The following ANKMY1 variants were observed in gnomAD, a reference collection of about 807,000 sequenced individuals.
ANKMY1 encodes the protein ankyrin repeat and MYND domain-containing protein 1.
In ANKMY1, 98 loss-of-function variants were observed where a neutral mutation model predicts 102.0. That is an observed-to-expected ratio of 0.96 (90% confidence interval 0.82 to 1.14). ANKMY1 has a LOEUF of 1.14. ANKMY1 is among the 50% of genes most tolerant of loss of function. The pLI, the probability that ANKMY1 is intolerant of heterozygous loss-of-function variation, is 0.00. For missense variants in ANKMY1, 1,330 were observed against 1,347.6 expected (o/e 0.99, Z 0.20); for synonymous variants, 582 against 559.9 (o/e 1.04, Z -0.56).
rs771625392 is a variant in ANKMY1 at position 240,524,055 on chromosome 2, C to T, written c.1662G>A (p.Glu554=). The change falls in exon 8 of 18, where the codon GAG becomes GAA. Residue 554 remains glutamate, a synonymous_variant. Transcript: ENST00000401804. ...NTDRGSLCSA[E]TKFESNVCVC... ...CACACACGTTGGACTCAAATTTCGTCTCAGCACTGCACAGACTGCCCCGGT... is the reference window on the plus strand; with the variant it reads ...CACACACGTTGGACTCAAATTTCGTTTCAGCACTGCACAGACTGCCCCGGT... 6.2e-7 allele frequency: 1 copy of T among 1,614,064 alleles called. No homozygotes were observed. Among genetic ancestry groups the T allele is most frequent in the Non-Finnish European group, 8.5e-7 (1 of 1,180,042 alleles).
intron 4 of ANKMY1, among the ~76,000 whole-genome samples, chr2:240,544,790 G>A (rs1390606667): frequency 2.6e-5 from 4 of 152,232 alleles, no homozygotes; most frequent in Non-Finnish European, 4.4e-5. Context: ...CGAATACTGC[G>A]CTTTTCTGAC....
At chr2:240,495,197 G>A (rs775378154) in intron 15 of ANKMY1, among the ~76,000 whole-genome samples, 2 of 152,074 alleles carry the variant, frequency 1.3e-5, no homozygotes, top group Admixed American at 6.5e-5. Flanking sequence ...GTGGTCTAGC[G>A]GTAGTGTCAG....
At chr2:240,556,938 C>T (rs948013071) in intron 2 of ANKMY1, among the ~76,000 whole-genome samples, 18 of 152,288 alleles carry the variant, frequency 1.2e-4, no homozygotes, top group South Asian at 4.2e-4. Flanking sequence ...CGTTCCCTCC[C>T]TCCACTAGGC....
At position 240,557,959 on chromosome 2, in the gene ANKMY1, G is replaced by A. The variant is rs1253968995; in HGVS notation, c.-96C>T. The A allele has an allele frequency of 1.0e-6, 1 of 985,676 alleles. No homozygotes were observed. The highest frequency in any genetic ancestry group is 1.2e-6 in the Non-Finnish European group (1 of 830,120). The allele number at this position is 985,676 out of a possible 1,614,324, so 61.1% of individuals were successfully genotyped here. A position where few individuals can be genotyped will look rare whatever the true frequency, so the allele number is the denominator to read the frequency against. The stretch of plus-strand genomic sequence containing the variant: ...AGCCACCGCGGACGCCCGCGCTCCC[G>A]TCCCGACTGCTTGCCAGCCCTGCGC... On this transcript the variant is annotated 5_prime_UTR_variant, in exon 1 of 18. The change creates a new upstream start codon in the 5' untranslated region. Coordinates refer to ENST00000401804, the MANE Select transcript of ANKMY1 (RefSeq NM_001282771.3).
chr2:240,529,857 C>T lies in ANKMY1; in HGVS notation c.481-348G>A, dbSNP rs1575194301. ...CAATTAGGGAACCCAGCCCAAACAC[C>T]CCAACAGGCTGGGGCAGCAGTGGGT... On this transcript the variant is annotated intron_variant, in intron 4 of 17. Transcript: ENST00000401804. The surrounding 1 kb of genome is among the most constrained non-coding windows in gnomAD (Gnocchi z 4.2). 1.3e-5 allele frequency among the ~76,000 whole-genome samples: 2 copies of T among 152,018 alleles called. No homozygotes were observed. The highest frequency in any genetic ancestry group is 1.9e-4 in the East Asian group (1 of 5,162).
At chr2:240,498,249 G>A (rs2077530438) in intron 15 of ANKMY1, among the ~76,000 whole-genome samples, 1 of 145,750 alleles carries the variant, frequency 6.9e-6, no homozygotes, top group Non-Finnish European at 1.5e-5. Context: ...GTGGCAGTGG[G>A]TGAGTTGGTG....
chr2:240,541,058 T>C (rs1251704094), intron 4 of ANKMY1, among the ~76,000 whole-genome samples: 1 of 152,182 alleles, frequency 6.6e-6, no homozygotes, highest in Non-Finnish European at 1.5e-5. Flanking sequence ...GGAAATTCCA[T>C]TTGCAGGTTC....
intron 15 of ANKMY1, among the ~76,000 whole-genome samples, chr2:240,484,545 A>C (rs539050643): frequency 6.6e-6 from 1 of 152,328 alleles, no homozygotes; most frequent in Non-Finnish European, 1.5e-5. Flanking sequence ...CTTATACAAA[A>C]ATTAACTCAA....
intron 15 of ANKMY1, among the ~76,000 whole-genome samples, chr2:240,493,907 G>C (rs1461997646): frequency 6.6e-6 from 1 of 152,192 alleles, no homozygotes; most frequent in East Asian, 1.9e-4. Context: ...AGCTGAGCTG[G>C]CACAGCATGG....
chr2:240,490,196 A>G (rs1014218948), intron 15 of ANKMY1, among the ~76,000 whole-genome samples: 2 of 152,134 alleles, frequency 1.3e-5, no homozygotes, highest in Admixed American at 1.3e-4. Context: ...CTACCAGTTT[A>G]TCAATCTTGT....
At chr2:240,557,834 G>A (rs2092563621) in intron 1 of ANKMY1, 47 bp downstream of exon 1, 8 of 978,262 alleles carry the variant, frequency 8.2e-6, no homozygotes, top group African/African-American at 5.3e-5. Context: ...CGGAGCTCCG[G>A]GATCCCCCTA....
intron 4 of ANKMY1, among the ~76,000 whole-genome samples, chr2:240,546,411 A>C (rs980308058): frequency 6.6e-6 from 1 of 152,252 alleles, no homozygotes; most frequent in African/African-American, 2.4e-5. Flanking sequence ...AAATCATGCC[A>C]AAATGTAAAG....
chr2:240,528,302 C>T (rs376228256), intron 5 of ANKMY1, among the ~76,000 whole-genome samples: 4 of 140,062 alleles, frequency 2.9e-5, no homozygotes, highest in African/African-American at 7.7e-5. Flanking sequence ...CACCCCCCCC[C>T]CAAAAAAATT....
At position 240,499,866 on chromosome 2, in the gene ANKMY1, CCAGGG is replaced by C; in HGVS notation, c.2806+87_2806+91del. On this transcript the variant is annotated intron_variant, in intron 15 of 17. Transcript: ENST00000401804. The surrounding 1 kb of genome is among the most constrained non-coding windows in gnomAD (Gnocchi z 4.2). ...CCCCAGGAAGGCCCCTCCAAGAGCCCCAGGGGGTCCAGATCTCCAGGGATAACAGC... is the reference window on the plus strand; with the variant it reads ...CCCCAGGAAGGCCCCTCCAAGAGCCCGGTCCAGATCTCCAGGGATAACAGC... 6.9e-7 allele frequency: 1 copy of C among 1,453,786 alleles called. No homozygotes were observed. The highest frequency in any genetic ancestry group is 1.4e-5 in the South Asian group (1 of 70,546). 90.1% of individuals were successfully genotyped at this position (1,453,786 alleles called of 1,614,324 possible). A position where few individuals can be genotyped will look rare whatever the true frequency, so the allele number is the denominator to read the frequency against.
In ANKMY1 at chr2:240,526,435, C is replaced by T. The variant is rs775947273; in HGVS notation, c.964G>A (p.Ala322Thr). 3.3e-5 allele frequency: 53 copies of T among 1,613,992 alleles called. No homozygotes were observed. The East Asian group carries it at 1.1e-3, about 33-fold the overall frequency. ...KQTYKFRNKP[A>T]HTSWNMGAIL... ...GCGCCCATGTTCCAGCTGGTGTGAG[C>T]TGGCTTGTTCCTGGCAACACAACAA... The change falls in exon 6 of 18, where the codon GCT becomes ACT. Residue 322 changes from alanine (A) to threonine (T), a missense_variant. Ala to Thr is a moderately conservative substitution (Grantham distance 58, BLOSUM62 0). Coordinates refer to ENST00000401804, the MANE Select transcript of ANKMY1 (RefSeq NM_001282771.3).
downstream of ANKMY1, among the ~76,000 whole-genome samples, chr2:240,475,429 C>A (rs564223757): frequency 1.3e-5 from 2 of 151,618 alleles, no homozygotes; most frequent in South Asian, 4.2e-4. Context: ...TAACAAAATA[C>A]TTAGCAATAA....
At chr2:240,530,358 G>A (rs2085036161) in intron 4 of ANKMY1, among the ~76,000 whole-genome samples, 1 of 152,156 alleles carries the variant, frequency 6.6e-6, no homozygotes, top group Admixed American at 6.5e-5. Flanking sequence ...CTGGGTCACA[G>A]GGGTGTGTCC....
At position 240,499,468 on chromosome 2, in the gene ANKMY1, G is replaced by A. The variant is rs1055118020; in HGVS notation, c.2806+490C>T. Among the ~76,000 whole-genome samples, 11 of 151,640 alleles carry A rather than the reference G, an allele frequency of 7.3e-5. No individual in the cohort carries two copies. The highest frequency in any genetic ancestry group is 1.3e-4 in the Admixed American group (2 of 15,244). On this transcript the variant is annotated intron_variant, in intron 15 of 17. Coordinates refer to ENST00000401804, the MANE Select transcript of ANKMY1 (RefSeq NM_001282771.3). The surrounding 1 kb of genome is among the most constrained non-coding windows in gnomAD (Gnocchi z 4.2). ...TGACTAGGTGGGTGGGGTTGAGTACGTGGGTGTGGGTACATGGGGGAGTAG... is the reference window on the plus strand; with the variant it reads ...TGACTAGGTGGGTGGGGTTGAGTACATGGGTGTGGGTACATGGGGGAGTAG...
At position 240,490,704 on chromosome 2, in the gene ANKMY1, A is replaced by G. The variant is rs567651445; in HGVS notation, c.2807-8443T>C. ...GTGATCTGAGAAGATACCTGGTATG[A>G]TTTTGATCTTTTAAGTTTGTTGAGA... is the stretch of plus-strand genomic sequence containing the variant. On this transcript the variant is annotated intron_variant, in intron 15 of 17. Coordinates refer to ENST00000401804, the MANE Select transcript of ANKMY1 (RefSeq NM_001282771.3). Among the ~76,000 whole-genome samples, 177 of 152,220 alleles carry G rather than the reference A, an allele frequency of 1.2e-3. 1 individual carries two copies. In the Middle Eastern group the frequency reaches 0.024, roughly 20 times the overall value.
Sources: allele counts gnomAD v4.1 joint callset (sites outside exome capture counted in the v4.1 genomes callset), GRCh38; gene constraint gnomAD v4.1.1; non-coding constraint Gnocchi (gnomAD v3.1); transcripts MANE v1.5; gene names NCBI Gene and HGNC (gene_info 2026-07-23, HGNC 2026-07-21).